The following PEX14 variants were observed in gnomAD, a reference collection of about 807,000 sequenced individuals.
PEX14 encodes the protein peroxisomal biogenesis factor 14, also known as peroxisomal membrane protein PEX14.
PEX14 carries 15 observed loss-of-function variants against 49.5 expected under a neutral mutation model. The observed-to-expected ratio is 0.30, with a 90% confidence interval of 0.20 to 0.47. The LOEUF (loss-of-function observed/expected upper bound fraction) is 0.47. PEX14 is among the 20% of genes least tolerant of loss of function. The pLI, the probability that PEX14 is intolerant of heterozygous loss-of-function variation, is 1.00. For synonymous variants in PEX14, 210 were observed against 212.7 expected (o/e 0.99, Z 0.11); for missense variants, 398 against 494.8 (o/e 0.80, Z 1.86).
chr1:10,541,785 C>T (rs760694135), intron 3 of PEX14, among the ~76,000 whole-genome samples: 1 of 152,206 alleles, frequency 6.6e-6, no homozygotes, highest in African/African-American at 2.4e-5. Flanking sequence ...ACGAGACCTA[C>T]GGCAGCTAGG....
intron 2 of PEX14, among the ~76,000 whole-genome samples, chr1:10,513,277 A>G (rs1641915919): frequency 6.6e-6 from 1 of 152,160 alleles, no homozygotes; most frequent in Non-Finnish European, 1.5e-5. Context: ...ATTCTAACAT[A>G]GCTGCTATCC....
At chr1:10,627,180 A>T in intron 7 of PEX14, 92 bp from the exon 8 acceptor site, 1 of 852,814 alleles carries the variant, frequency 1.2e-6, no homozygotes, top group Non-Finnish European at 2.0e-6. Context: ...AGAAGGCCCC[A>T]CCTGCTGCCC....
At chr1:10,546,109 G>A (rs1427028116) in intron 3 of PEX14, among the ~76,000 whole-genome samples, 3 of 152,106 alleles carry the variant, frequency 2.0e-5, no homozygotes, top group Non-Finnish European at 4.4e-5. Context: ...TTAGCAGAGT[G>A]TCTGGCACCA....
At chr1:10,492,987 T>C (rs1165409845) in intron 1 of PEX14, among the ~76,000 whole-genome samples, 3 of 152,132 alleles carry the variant, frequency 2.0e-5, no homozygotes, top group East Asian at 3.9e-4. Flanking sequence ...GAAGGAATGC[T>C]TCCCTGAGGA....
chr1:10,604,805 C>T (rs957884982), intron 4 of PEX14, among the ~76,000 whole-genome samples: 5 of 152,052 alleles, frequency 3.3e-5, no homozygotes, highest in African/African-American at 1.2e-4. Context: ...CCATTTTATT[C>T]TTAGATTAAT....
rs890206251 is a variant in PEX14, at chr1:10,478,487, A to G, written c.36+3485A>G. Among the ~76,000 whole-genome samples the G allele has an allele frequency of 1.8e-4, 28 of 152,144 alleles. 1 individual carries two copies. The highest frequency in any genetic ancestry group is 1.6e-3 in the Admixed American group (25 of 15,256). On this transcript the variant is annotated intron_variant, in intron 1 of 8. Transcript: ENST00000356607. ...ATTTCAGGAACATACTTACTTTTTC[A>G]TAATGGTATAGTCTTTTTAGTCTAT... is the stretch of plus-strand genomic sequence containing the variant.
intron 2 of PEX14, among the ~76,000 whole-genome samples, chr1:10,526,207 A>G (rs1255110254): frequency 6.8e-6 from 1 of 147,932 alleles, no homozygotes; most frequent in African/African-American, 2.5e-5. Flanking sequence ...GGCGTGAGCC[A>G]CTGCGCCCGG....
intron 2 of PEX14, among the ~76,000 whole-genome samples, chr1:10,511,066 A>T (rs1358863242): frequency 6.8e-6 from 1 of 146,036 alleles, no homozygotes. Flanking sequence ...ACCGATAGGC[A>T]TCGTTAAATG....
rs1391469288 is a variant in PEX14 at position 10,597,719 on chromosome 1, T to C, written c.170-1519T>C. 3.3e-5 allele frequency among the ~76,000 whole-genome samples: 5 copies of C among 152,208 alleles called. No individual in the cohort carries two copies. In the South Asian group the frequency reaches 8.3e-4, roughly 25 times the overall value. On this transcript the variant is annotated intron_variant, in intron 3 of 8. Transcript: ENST00000356607. The surrounding 1 kb of genome is among the most constrained non-coding windows in gnomAD (Gnocchi z 5.7). ...CCCAGTGGTGAGGCTGTGCCTGCCC[T>C]TGGCCAGCTCCACTGTGTGAAGAGG...
chr1:10,627,888 G>A (rs1641797510), intron 8 of PEX14, among the ~76,000 whole-genome samples: 1 of 152,242 alleles, frequency 6.6e-6, no homozygotes, highest in Non-Finnish European at 1.5e-5. Flanking sequence ...GAGGTAGGGT[G>A]ACCAACTTGT....
intron 2 of PEX14, among the ~76,000 whole-genome samples, chr1:10,517,651 G>A (rs1286496101): frequency 7.8e-6 from 1 of 127,520 alleles, no homozygotes; most frequent in African/African-American, 2.9e-5. Flanking sequence ...TTTCCATTTT[G>A]TTCTTTTTTT....
rs796331986 is a variant in PEX14, at chr1:10,478,055, A to AT, written c.36+3064dup. Among the ~76,000 whole-genome samples, 1,345 of 147,520 alleles carry AT rather than the reference A, an allele frequency of 9.1e-3. 18 individuals carry two copies. The highest frequency in any genetic ancestry group is 0.031 in the African/African-American group (1,234 of 40,308). On this transcript the variant is annotated intron_variant, in intron 1 of 8. Transcript: ENST00000356607. Reference sequence around the variant, plus strand: ...AGGTATGCACCACCAGGCCTGGCTAATTTTTTTTTTTAAGTAGAAATGGGG... The same window carrying AT: ...AGGTATGCACCACCAGGCCTGGCTAATTTTTTTTTTTTAAGTAGAAATGGGG...
rs1181156084 is a variant in PEX14, at chr1:10,629,661, G to A, written c.808G>A (p.Glu270Lys). ...SSSDISPVSNESTSSSPGKEG... is the reference protein window; with the variant it reads ...SSSDISPVSNKSTSSSPGKEG... ...CAGCGACATCTCACCTGTCAGCAAC[G>A]AGTCCACGTCGTCCTCGCCTGGGAA... The change falls in exon 9 of 9, where the codon GAG becomes AAG. Residue 270 changes from glutamate to lysine, a missense_variant. Transcript: ENST00000356607. This position sits in a 1 kb window ranked among gnomAD's most constrained non-coding sequence, Gnocchi z 8.5. 1 of 1,613,904 alleles carries A rather than the reference G, an allele frequency of 6.2e-7. No homozygotes were observed. Among genetic ancestry groups the A allele is most frequent in the Non-Finnish European group, 8.5e-7 (1 of 1,179,974 alleles).
intron 2 of PEX14, among the ~76,000 whole-genome samples, chr1:10,502,796 CTTT>C (rs34497048): frequency 7.2e-4 from 96 of 132,956 alleles, no homozygotes; most frequent in Admixed American, 1.3e-3. Context: ...TTTTCTTTTT[CTTT>C]TTTTTTTTTT....
At chr1:10,557,633 AAAATG>A (rs2124522632) in intron 3 of PEX14, among the ~76,000 whole-genome samples, 1 of 152,302 alleles carries the variant, frequency 6.6e-6, no homozygotes, top group Admixed American at 6.5e-5. Flanking sequence ...TAGGTTAAAG[AAAATG>A]GACTTGTTTT....
intron 3 of PEX14, among the ~76,000 whole-genome samples, chr1:10,549,913 A>T (rs961712492): frequency 6.6e-6 from 1 of 152,206 alleles, no homozygotes; most frequent in South Asian, 2.1e-4. Flanking sequence ...CCTTATTTGG[A>T]AAGATTTTTA....
chr1:10,492,901 C>T (rs1641495297), intron 1 of PEX14, among the ~76,000 whole-genome samples: 1 of 152,194 alleles, frequency 6.6e-6, no homozygotes, highest in Admixed American at 6.5e-5. Context: ...CACATCTGCT[C>T]AGGTCCTTGA....
At chr1:10,478,892 C>T (rs989360924) in intron 1 of PEX14, among the ~76,000 whole-genome samples, 4 of 151,902 alleles carry the variant, frequency 2.6e-5, no homozygotes, top group East Asian at 3.9e-4. Flanking sequence ...ACTACAGGCA[C>T]CTGCCACCAC....
chr1:10,627,948 T>C lies in PEX14; in HGVS notation c.677+585T>C, dbSNP rs1410944275. Among the ~76,000 whole-genome samples the C allele has an allele frequency of 2.0e-5, 3 of 152,188 alleles. No homozygotes were observed. The East Asian group carries it at 5.8e-4, about 29-fold the overall frequency. ...GTTTTATTTATTTTTATTTTTATTT[T>C]TTTTTGAGATGGAGTCTCGCTCTGT... On this transcript the variant is annotated intron_variant, in intron 8 of 8. Coordinates refer to ENST00000356607, the MANE Select transcript of PEX14 (RefSeq NM_004565.3).
Sources: gnomAD v4.1 joint callset for allele counts (sites outside exome capture counted in the v4.1 genomes callset) on GRCh38, gnomAD v4.1.1 for gene constraint, Gnocchi (gnomAD v3.1) non-coding constraint, MANE v1.5 for transcripts, NCBI Gene and HGNC (gene_info 2026-07-23, HGNC 2026-07-21) for gene names.